The following ARMC3 variants were observed in gnomAD, a reference collection of about 807,000 sequenced individuals.
The protein encoded by ARMC3 is armadillo repeat-containing protein 3.
Under a neutral mutation model 90.3 loss-of-function variants are expected in ARMC3, and 74 were observed. That is an observed-to-expected ratio of 0.82 (90% confidence interval 0.68 to 0.99). The LOEUF is 0.99. Ranked by LOEUF, ARMC3 falls within the 50% of genes least tolerant of loss-of-function variation. ARMC3 has a pLI of 0.00. For missense variants in ARMC3, 958 were observed against 1,042.8 expected, an observed-to-expected ratio of 0.92 and a Z score of 1.12; for synonymous variants, 334 against 361.8, an observed-to-expected ratio of 0.92 and a Z score of 0.87.
chr10:22,929,826 C>T (rs1021892216), intron 1 of ARMC3, among the ~76,000 whole-genome samples: 6 of 152,150 alleles, frequency 3.9e-5, no homozygotes, highest in African/African-American at 9.7e-5. Flanking sequence ...GCTGGGATTA[C>T]AGGAGTGAGC....
intron 16 of ARMC3, among the ~76,000 whole-genome samples, chr10:23,017,603 A>C (rs879293707): frequency 2.0e-5 from 3 of 152,206 alleles, no homozygotes; most frequent in Non-Finnish European, 2.9e-5. Context: ...TGTCTCTACT[A>C]AAAATACAAA....
At chr10:22,958,969 C>T (rs77119216) in intron 4 of ARMC3, 101 bp from the exon 5 acceptor site, 10 of 925,960 alleles carry the variant, frequency 1.1e-5, no homozygotes, top group Non-Finnish European at 1.7e-5. Context: ...GTGATTCACC[C>T]GCCTCAGCCT....
intron 10 of ARMC3, among the ~76,000 whole-genome samples, chr10:22,992,281 C>T (rs896981114): frequency 6.6e-6 from 1 of 152,172 alleles, no homozygotes; most frequent in Non-Finnish European, 1.5e-5. Context: ...ATTCTCTTTG[C>T]AGTCATGCTG....
chr10:23,012,791 C>T (rs1034934989), intron 16 of ARMC3, among the ~76,000 whole-genome samples: 1 of 151,852 alleles, frequency 6.6e-6, no homozygotes, highest in African/African-American at 2.4e-5. Context: ...TATTCAATCA[C>T]ATCAACCTCC....
intron 18 of ARMC3, among the ~76,000 whole-genome samples, chr10:23,033,374 T>C (rs1356440889): frequency 1.3e-5 from 2 of 152,160 alleles, no homozygotes; most frequent in Non-Finnish European, 2.9e-5. Context: ...TAAACCAGAC[T>C]TGCAGCTTCC....
At chr10:22,938,884 C>T (rs73600573) in intron 2 of ARMC3, among the ~76,000 whole-genome samples, 3,711 of 152,134 alleles carry the variant, frequency 0.024, 153 homozygotes, top group African/African-American at 0.084. Context: ...GAGATGGAGG[C>T]CTGACAATTA....
At chr10:22,933,021 A>G (rs149949817) in intron 2 of ARMC3, among the ~76,000 whole-genome samples, 38 of 152,372 alleles carry the variant, frequency 2.5e-4, no homozygotes, top group African/African-American at 7.9e-4. Context: ...CACTTGGAAA[A>G]TAAGATCTAT....
intron 5 of ARMC3, 78 bp from the exon 6 acceptor site, chr10:22,959,321 G>A: frequency 6.9e-7 from 1 of 1,445,138 alleles, no homozygotes; most frequent in Non-Finnish European, 9.4e-7. Flanking sequence ...TGGAGCTTTG[G>A]TTTCCAAAGC....
intron 4 of ARMC3, among the ~76,000 whole-genome samples, chr10:22,957,552 T>A (rs770282501): frequency 5.3e-5 from 8 of 152,146 alleles, no homozygotes; most frequent in Admixed American, 1.3e-4. Flanking sequence ...TAGACTATGG[T>A]AATACTAGTT....
At chr10:22,992,273 T>C (rs923504802) in intron 10 of ARMC3, among the ~76,000 whole-genome samples, 7 of 152,178 alleles carry the variant, frequency 4.6e-5, no homozygotes, top group Admixed American at 2.6e-4. Context: ...CACTCACTAT[T>C]CTCTTTGCAG....
At chr10:22,946,388 A>G in intron 3 of ARMC3, 127 bp downstream of exon 3, 1 of 609,282 alleles carries the variant, frequency 1.6e-6, no homozygotes, top group Middle Eastern at 4.6e-4. Context: ...GACAACCAGG[A>G]TATTATTTAA....
chr10:22,964,667 C>G (rs111655880), intron 7 of ARMC3, among the ~76,000 whole-genome samples: 13 of 151,912 alleles, frequency 8.6e-5, no homozygotes, highest in African/African-American at 2.9e-4. Context: ...TCTCGAACTC[C>G]TGACCTCAGG....
Position 22,959,417 on chromosome 10 carries a change from A to C in ARMC3, c.380A>C (p.Glu127Ala). The change falls in exon 6 of 19, where the codon GAG (glutamate) becomes GCG (alanine). Residue 127 changes from glutamate to alanine, a missense_variant. By Grantham distance (107) the Glu-to-Ala change is moderately radical. Coordinates refer to ENST00000298032, the MANE Select transcript of ARMC3 (RefSeq NM_173081.5). Reference sequence around the variant, plus strand: ...TACACAGAAGAAGTAGTTATCCATGAGTTTGCTAGTCTTTGTCTAGCAAAC... The same window carrying C: ...TACACAGAAGAAGTAGTTATCCATGCGTTTGCTAGTCTTTGTCTAGCAAAC... ...LAPEEEVVIHEFASLCLANMS... is the reference protein window; with the variant it reads ...LAPEEEVVIHAFASLCLANMS... 1 of 1,604,480 alleles carries C rather than the reference A, an allele frequency of 6.2e-7. No homozygotes were observed. Among genetic ancestry groups the C allele is most frequent in the Non-Finnish European group, 8.5e-7 (1 of 1,177,570 alleles).
chr10:22,994,525 C>G lies in ARMC3; in HGVS notation c.1176-3623C>G, dbSNP rs190225574. Among the ~76,000 whole-genome samples, 379 of 152,102 alleles carry G rather than the reference C, an allele frequency of 2.5e-3. 2 individuals are homozygous for G. The highest frequency in any genetic ancestry group is 8.3e-3 in the African/African-American group (346 of 41,488). On this transcript the variant is annotated intron_variant, in intron 10 of 18. Transcript: ENST00000298032. ...CTAGCCTGGGCAACGTAGCAAGACTCCATCTCTAGAAAAATAATTTAAAAA... is the reference window on the plus strand; with the variant it reads ...CTAGCCTGGGCAACGTAGCAAGACTGCATCTCTAGAAAAATAATTTAAAAA...
At chr10:23,007,840 A>T (rs1161413736) in intron 14 of ARMC3, among the ~76,000 whole-genome samples, 2 of 152,184 alleles carry the variant, frequency 1.3e-5, no homozygotes, top group Non-Finnish European at 1.5e-5. Context: ...GCAGTGGCTC[A>T]TGCCTATAAT....
intron 3 of ARMC3, among the ~76,000 whole-genome samples, chr10:22,949,249 TC>T (rs1834648692): frequency 6.6e-6 from 1 of 151,896 alleles, no homozygotes; most frequent in Non-Finnish European, 1.5e-5. Context: ...ATATCTTGCA[TC>T]CAATAAAAAA....
intron 2 of ARMC3, among the ~76,000 whole-genome samples, chr10:22,941,140 G>A (rs948386741): frequency 7.9e-5 from 12 of 152,128 alleles, no homozygotes; most frequent in African/African-American, 1.9e-4. Context: ...TAGGACAGGC[G>A]AAACTGATCT....
At chr10:22,949,363 A>T (rs1019550424) in intron 3 of ARMC3, among the ~76,000 whole-genome samples, 2 of 152,346 alleles carry the variant, frequency 1.3e-5, no homozygotes, top group East Asian at 1.9e-4. Flanking sequence ...AAAGACATTA[A>T]AAGATTAATT....
chr10:22,975,125 A>T (rs1213899416), intron 8 of ARMC3, among the ~76,000 whole-genome samples: 3 of 152,206 alleles, frequency 2.0e-5, no homozygotes, highest in Non-Finnish European at 2.9e-5. Flanking sequence ...TTCAGTTAAA[A>T]TTTTTTTAAG....
Sources: allele counts gnomAD v4.1 joint callset (sites outside exome capture counted in the v4.1 genomes callset), GRCh38; gene constraint gnomAD v4.1.1; transcripts MANE v1.5; gene names NCBI Gene and HGNC (gene_info 2026-07-23, HGNC 2026-07-21).